The following PTPN21 variants were observed in gnomAD, a reference collection of about 807,000 sequenced individuals.
PTPN21 encodes protein tyrosine phosphatase non-receptor type 21, also known as tyrosine-protein phosphatase non-receptor type 21.
Under a neutral mutation model 131.8 loss-of-function variants are expected in PTPN21, and 77 were observed. That is an observed-to-expected ratio of 0.58 (90% confidence interval 0.49 to 0.71). The LOEUF is 0.71. Among genes scored for constraint, PTPN21 ranks in the 30% least tolerant of loss-of-function variants. The pLI is 0.00. For synonymous variants in PTPN21, 715 were observed against 621.3 expected, an observed-to-expected ratio of 1.15 and a Z score of -2.24; for missense variants, 1,552 against 1,527.1, an observed-to-expected ratio of 1.02 and a Z score of -0.27.
intron 2 of PTPN21, among the ~76,000 whole-genome samples, chr14:88,542,927 A>G (rs2078726460): frequency 6.6e-6 from 1 of 152,208 alleles, no homozygotes; most frequent in South Asian, 2.1e-4. Context: ...TAACGTACAT[A>G]CCTAAATGAA....
At chr14:88,511,959 C>T in intron 3 of PTPN21, among the ~76,000 whole-genome samples, 1 of 152,254 alleles carries the variant, frequency 6.6e-6, no homozygotes, top group Admixed American at 6.5e-5. Context: ...GAAGAGGCAG[C>T]CTTTTTTCTT....
At chr14:88,544,434 A>G (rs958647369) in intron 2 of PTPN21, among the ~76,000 whole-genome samples, 2 of 152,212 alleles carry the variant, frequency 1.3e-5, no homozygotes, top group African/African-American at 4.8e-5. Context: ...TAACAATAAC[A>G]TAACATCAAC....
rs1016303925 is a variant in PTPN21 at position 88,473,976 on chromosome 14, G to A, written c.2512-174C>T. 4.4e-5 allele frequency: 24 copies of A among 548,874 alleles called. No individual in the cohort carries two copies. In the African/African-American group the frequency reaches 4.7e-4, roughly 11 times the overall value. 34.0% of individuals were successfully genotyped at this position (548,874 alleles called of 1,614,324 possible). ...CTTGTTTAACAAACATTAGTAGGAA[G>A]ACATTCCTTTCAAGGCCAAAGCCCT... is the stretch of plus-strand genomic sequence containing the variant. On this transcript the variant is annotated intron_variant, in intron 13 of 18. Transcript: ENST00000556564.
At chr14:88,548,328 A>C (rs1281843437) in intron 2 of PTPN21, among the ~76,000 whole-genome samples, 1 of 152,224 alleles carries the variant, frequency 6.6e-6, no homozygotes, top group Non-Finnish European at 1.5e-5. Context: ...TGTGGCCCTT[A>C]CAGTCGGCCT....
At chr14:88,484,412 A>G (rs961931555) in intron 12 of PTPN21, among the ~76,000 whole-genome samples, 2 of 152,144 alleles carry the variant, frequency 1.3e-5, no homozygotes, top group African/African-American at 4.8e-5. Flanking sequence ...ACAATTCCTT[A>G]TACTTCTCAT....
chr14:88,488,163 A>G (rs1444376093), intron 10 of PTPN21, among the ~76,000 whole-genome samples: 6 of 152,158 alleles, frequency 3.9e-5, no homozygotes, highest in Non-Finnish European at 8.8e-5. Flanking sequence ...AAAGTACTAC[A>G]AATTCACAAG....
chr14:88,469,389 C>A lies in PTPN21; in HGVS notation c.3235+110G>T. 1 of 999,046 alleles carries A rather than the reference C, an allele frequency of 1.0e-6. No individual in the cohort carries two copies. Among genetic ancestry groups the A allele is most frequent in the Non-Finnish European group, 1.5e-6 (1 of 677,148 alleles). 61.9% of individuals were successfully genotyped at this position (999,046 alleles called of 1,614,324 possible). On this transcript the variant is annotated intron_variant, in intron 17 of 18. Transcript: ENST00000556564. The surrounding 1 kb of genome is among the most constrained non-coding windows in gnomAD (Gnocchi z 4.3). ...TGTATTCTTTATGTTAAAACAAGTC[C>A]GAAGCTTATATGAGATAACATAAAG...
intron 2 of PTPN21, among the ~76,000 whole-genome samples, chr14:88,549,091 C>T (rs546450334): frequency 1.9e-4 from 29 of 152,236 alleles, no homozygotes; most frequent in Non-Finnish European, 3.5e-4. Context: ...TCTAGAACCT[C>T]GATCTGGCCT....
intron 2 of PTPN21, chr14:88,547,587 A>G: frequency 4.5e-6 from 2 of 446,036 alleles, no homozygotes; most frequent in Non-Finnish European, 9.0e-6. Context: ...TAGGTGTTTG[A>G]GGATGCATTG....
Position 88,480,356 on chromosome 14 carries a change from G to GA in PTPN21, c.1079-5dup, listed in dbSNP as rs775532943. ...TGGTTGGGCACAAAGAGGTTATCTA[G>GA]AAAAAATGAGTTCAAAATGAGATTT... On this transcript the variant is annotated splice_polypyrimidine_tract_variant and splice_region_variant and intron_variant, in intron 12 of 18. Coordinates refer to ENST00000556564, the MANE Select transcript of PTPN21 (RefSeq NM_007039.4). 2.5e-6 allele frequency: 4 copies of GA among 1,589,832 alleles called. No individual in the cohort carries two copies. Among genetic ancestry groups the GA allele is most frequent in the Admixed American group, 1.7e-5 (1 of 57,672 alleles).
At chr14:88,470,346 C>T (rs141542566) in intron 15 of PTPN21, 1 of 357,544 alleles carries the variant, frequency 2.8e-6, no homozygotes, top group Non-Finnish European at 5.1e-6. Flanking sequence ...TACTGCCTAC[C>T]GTCATAGGGT....
chr14:88,492,677 C>G (rs2077843060), intron 10 of PTPN21, among the ~76,000 whole-genome samples: 1 of 152,206 alleles, frequency 6.6e-6, no homozygotes. Flanking sequence ...GAAGGCACTT[C>G]CACAGCCTTT....
At chr14:88,530,815 G>A (rs1020233541) in intron 2 of PTPN21, among the ~76,000 whole-genome samples, 1 of 151,914 alleles carries the variant, frequency 6.6e-6, no homozygotes, top group Non-Finnish European at 1.5e-5. Flanking sequence ...AAAAAAATGA[G>A]ATAGATGGCA....
At chr14:88,524,884 G>A (rs907587434) in intron 2 of PTPN21, among the ~76,000 whole-genome samples, 3 of 151,838 alleles carry the variant, frequency 2.0e-5, no homozygotes, top group Non-Finnish European at 2.9e-5. Flanking sequence ...CAGCCTGGGC[G>A]ACAGAGCAAG....
At chr14:88,477,411 T>C (rs2140093304) in intron 13 of PTPN21, among the ~76,000 whole-genome samples, 1 of 117,118 alleles carries the variant, frequency 8.5e-6, no homozygotes, top group Non-Finnish European at 1.6e-5. Context: ...ATCACACCAC[T>C]GCACTCCAGC....
chr14:88,497,181 C>T, intron 9 of PTPN21, 22 bp downstream of exon 9: 2 of 1,552,948 alleles, frequency 1.3e-6, no homozygotes, highest in Non-Finnish European at 1.8e-6. Flanking sequence ...ACATTCCATG[C>T]AGACCCCTAA....
In PTPN21 at chr14:88,478,922, C is replaced by T. The variant is rs1398959331; in HGVS notation, c.2509G>A (p.Gly837Arg). ...GCACTGCTCGCCGCGTGGCTTACCC[C>T]TAGAGGCGGGAGCCCTTCCACGATG... ...KNIVEGLPPLGGMKKTRVDAK... is the reference protein window; with the variant it reads ...KNIVEGLPPLRGMKKTRVDAK... The change falls in exon 13 of 19, where the codon GGG becomes AGG. Residue 837 changes from glycine to arginine, a missense_variant and splice_region_variant. Coordinates refer to ENST00000556564, the MANE Select transcript of PTPN21 (RefSeq NM_007039.4). The T allele has an allele frequency of 6.7e-7, 1 of 1,487,372 alleles. No homozygotes were observed. Among genetic ancestry groups the T allele is most frequent in the Non-Finnish European group, 8.9e-7 (1 of 1,119,836 alleles). The allele number at this position is 1,487,372 out of a possible 1,614,324, so 92.1% of individuals were successfully genotyped here.
intron 8 of PTPN21, among the ~76,000 whole-genome samples, chr14:88,500,033 CA>C (rs1027897966): frequency 6.6e-6 from 1 of 151,132 alleles, no homozygotes; most frequent in Non-Finnish European, 1.5e-5. Flanking sequence ...TTTATATCAG[CA>C]AAAAAAACCA....
At position 88,550,508 on chromosome 14, in the gene PTPN21, C is replaced by T. The variant is rs2078849701; in HGVS notation, c.-91G>A. Reference sequence around the variant, plus strand: ...TGACGCCAGGAGAAAGCGATCCTCTCCGGATGGGACGAACACTGTCCGGCC... The same window carrying T: ...TGACGCCAGGAGAAAGCGATCCTCTTCGGATGGGACGAACACTGTCCGGCC... On this transcript the variant is annotated 5_prime_UTR_variant, in exon 2 of 19. Transcript: ENST00000556564. 1 of 1,279,266 alleles carries T rather than the reference C, an allele frequency of 7.8e-7. No homozygotes were observed. Among genetic ancestry groups the T allele is most frequent in the Non-Finnish European group, 1.1e-6 (1 of 925,332 alleles). 79.2% of individuals were successfully genotyped at this position (1,279,266 alleles called of 1,614,324 possible).
Sources: gnomAD v4.1 joint callset for allele counts (sites outside exome capture counted in the v4.1 genomes callset) on GRCh38, gnomAD v4.1.1 for gene constraint, Gnocchi (gnomAD v3.1) non-coding constraint, MANE v1.5 for transcripts, NCBI Gene and HGNC (gene_info 2026-07-23, HGNC 2026-07-21) for gene names.